Variants in RABIF observed in about 807,000 individuals in gnomAD.
RABIF encodes the protein guanine nucleotide exchange factor MSS4.
RABIF carries 13 observed loss-of-function variants against 12.3 expected under a neutral mutation model. The observed-to-expected ratio is 1.06, with a 90% CI of 0.69 to 1.68. The LOEUF is 1.68. Among genes scored for constraint, RABIF ranks in the 40% most tolerant of loss-of-function variants. The pLI is 0.00. For missense variants in RABIF, 153 were observed against 158.0 expected, an observed-to-expected ratio of 0.97 and a Z score of 0.17; for synonymous variants, 70 against 63.3, an observed-to-expected ratio of 1.11 and a Z score of -0.50.
intron 1 of RABIF, among the ~76,000 whole-genome samples, chr1:202,888,450 G>T (rs2000331): frequency 0.54 from 82,591 of 152,018 alleles, 23,251 homozygotes; most frequent in Non-Finnish European, 0.62. Context: ...AACACCAGTT[G>T]TTCCTGGGGA....
chr1:202,887,236 ATCT>A (rs1313144561), intron 1 of RABIF, among the ~76,000 whole-genome samples: 1 of 151,824 alleles, frequency 6.6e-6, no homozygotes, highest in Non-Finnish European at 1.5e-5. Context: ...CTCTATCATC[ATCT>A]TCATTTTACA....
chr1:202,889,054 G>A lies in RABIF; in HGVS notation c.45C>T (p.Gly15=). ...EQPSELVSAE[G]RNRKAVLCQR... is the part of the protein sequence containing the mutation. Reference sequence around the variant, plus strand: ...GGCACAGCACCGCCTTCCGGTTTCGGCCCTCGGCTGACACTAACTCGCTCG... The same window carrying A: ...GGCACAGCACCGCCTTCCGGTTTCGACCCTCGGCTGACACTAACTCGCTCG... The change falls in exon 1 of 2, where the codon GGC becomes GGT. Residue 15 remains glycine, a synonymous_variant. Transcript: ENST00000367262. The A allele has an allele frequency of 8.1e-6, 13 of 1,610,994 alleles. No individual in the cohort carries two copies. The highest frequency in any genetic ancestry group is 2.7e-5 in the African/African-American group (2 of 74,894).
In RABIF at chr1:202,888,983, G is replaced by A. The variant is rs759770694; in HGVS notation, c.116C>T (p.Ser39Phe). 6 of 1,572,680 alleles carry A rather than the reference G, an allele frequency of 3.8e-6. No homozygotes were observed. In the Admixed American group the frequency reaches 7.6e-5, roughly 20 times the overall value. Residue 39 changes from serine (S) to phenylalanine (F), a missense_variant, in exon 1 of 2, where the codon TCT becomes TTT. By Grantham distance (155) the Ser-to-Phe change is radical. Around this residue, in one of 2 missense-constraint regions of RABIF, gnomAD observed 113 missense variants for 90.9 expected, o/e 1.24. Transcript: ENST00000367262. The stretch of plus-strand genomic sequence containing the variant: ...AACCTGCCTCCCTACCTGTCGGCGA[G>A]AGAAGAGAGCGGTCCCTGGCTGCAG... ...RVLQPGTALF[S>F]RRQLFLPSMR...
intron 1 of RABIF, among the ~76,000 whole-genome samples, chr1:202,881,658 C>T (rs536523466): frequency 1.5e-4 from 23 of 152,292 alleles, no homozygotes; most frequent in Non-Finnish European, 2.5e-4. Flanking sequence ...CTGCCTGCCT[C>T]GGCCTCCCGA....
intron 1 of RABIF, 33 bp downstream of exon 1, chr1:202,888,940 T>G (rs1659607848): frequency 2.0e-6 from 3 of 1,508,450 alleles, no homozygotes; most frequent in African/African-American, 1.4e-5. Context: ...GGGGAGACTG[T>G]GGGTGTAAAC....
intron 1 of RABIF, 97 bp from the exon 2 acceptor site, chr1:202,881,320 G>C (rs1339479908): frequency 6.8e-7 from 1 of 1,467,586 alleles, no homozygotes; most frequent in Non-Finnish European, 9.0e-7. Context: ...TCCCTAGCAG[G>C]AATGACAAAA....
intron 1 of RABIF, among the ~76,000 whole-genome samples, chr1:202,881,746 G>A (rs1010141696): frequency 1.3e-5 from 2 of 152,276 alleles, no homozygotes; most frequent in East Asian, 1.9e-4. Flanking sequence ...CTGGGAACTC[G>A]GTTTCACTGC....
intron 1 of RABIF, among the ~76,000 whole-genome samples, chr1:202,887,918 T>C (rs1202935667): frequency 1.3e-5 from 2 of 152,232 alleles, no homozygotes; most frequent in Admixed American, 1.3e-4. Context: ...GTAAAATTAA[T>C]TGAGAACTCT....
rs1283250941 is a variant in RABIF at position 202,880,367 on chromosome 1, A to G, written c.*611T>C. ...GAGGGACCACACCCATCTTCACAAT[A>G]AAATGTCATTCTCAACCTAGAGCAG... is the stretch of plus-strand genomic sequence containing the variant. On this transcript the variant is annotated 3_prime_UTR_variant, in exon 2 of 2. Coordinates refer to ENST00000367262, the MANE Select transcript of RABIF (RefSeq NM_002871.5). 6.5e-6 allele frequency: 1 copy of G among 152,724 alleles called. No individual in the cohort carries two copies. Among genetic ancestry groups the G allele is most frequent in the Non-Finnish European group, 1.5e-5 (1 of 68,080 alleles). The allele number at this position is 152,724 out of a possible 1,614,324, so 9.5% of individuals were successfully genotyped here. A position where few individuals can be genotyped will look rare whatever the true frequency, so the allele number is the denominator to read the frequency against.
intron 1 of RABIF, 142 bp downstream of exon 1, chr1:202,888,831 G>A (rs886619704): frequency 3.3e-6 from 4 of 1,200,192 alleles, no homozygotes; most frequent in South Asian, 1.8e-5. Context: ...GCCTCGCCGA[G>A]CTGAGGCCCG....
At position 202,881,009 on chromosome 1, in the gene RABIF, T is replaced by C. The variant is rs376782654; in HGVS notation, c.341A>G (p.Tyr114Cys). The change falls in exon 2 of 2, where the codon TAT (tyrosine) becomes TGT (cysteine). Residue 114 changes from tyrosine to cysteine, a missense_variant. Physicochemically the swap from Tyr to Cys is radical, Grantham distance 194. Around this residue, in one of 2 missense-constraint regions of RABIF, gnomAD observed 40 missense variants for 67.1 expected, o/e 0.60. Transcript: ENST00000367262. Reference protein sequence around the residue: ...WHCLDDKNSFYVALERVSHE With the variant: ...WHCLDDKNSFCVALERVSHE ...ATGGGAAACTCGTTCCAAGGCCACA[T>C]AGAAACTGTTCTTGTCATCTAGGCA... 62 of 1,613,992 alleles carry C rather than the reference T, an allele frequency of 3.8e-5. No homozygotes were observed. Among genetic ancestry groups the C allele is most frequent in the Admixed American group, 3.3e-5 (2 of 60,010 alleles).
chr1:202,887,337 G>A (rs560441828), intron 1 of RABIF, among the ~76,000 whole-genome samples: 8 of 124,954 alleles, frequency 6.4e-5, no homozygotes, highest in Non-Finnish European at 1.3e-4. Flanking sequence ...AAAACATTAT[G>A]AAAAATTTTT....
At position 202,884,159 on chromosome 1, in the gene RABIF, CAG is replaced by C. The variant is rs200625826; in HGVS notation, c.127-2938_127-2937del. ...CCTGGACAACCTCTTCAGAAATAGA[CAG>C]AACGCCACAACTCAGTGAGACTCTG... On this transcript the variant is annotated intron_variant, in intron 1 of 1. Coordinates refer to ENST00000367262, the MANE Select transcript of RABIF (RefSeq NM_002871.5). 5.9e-3 allele frequency among the ~76,000 whole-genome samples: 895 copies of C among 152,268 alleles called. 6 individuals are homozygous for C. Among genetic ancestry groups the C allele is most frequent in the African/African-American group, 0.02 (849 of 41,536 alleles).
rs1023632253 is a variant in RABIF, at chr1:202,888,633, T to C, written c.126+340A>G. 1.1e-4 allele frequency among the ~76,000 whole-genome samples: 17 copies of C among 152,132 alleles called. No individual in the cohort carries two copies. In the South Asian group the frequency reaches 2.3e-3, roughly 20 times the overall value. On this transcript the variant is annotated intron_variant, in intron 1 of 1. Coordinates refer to ENST00000367262, the MANE Select transcript of RABIF (RefSeq NM_002871.5). ...GCTCCGAGAGCCGGAATGGGGCGCCTCCCTTCCACGCGCCCGCGGAGCACC... is the reference window on the plus strand; with the variant it reads ...GCTCCGAGAGCCGGAATGGGGCGCCCCCCTTCCACGCGCCCGCGGAGCACC...
intron 1 of RABIF, among the ~76,000 whole-genome samples, chr1:202,885,977 AC>A (rs1474174648): frequency 1.9e-4 from 28 of 149,604 alleles, no homozygotes; most frequent in Admixed American, 1.8e-3. Context: ...AAAAAAAAAA[AC>A]CCACCTTTTT....
chr1:202,886,860 A>G (rs538072686), intron 1 of RABIF, among the ~76,000 whole-genome samples: 13 of 151,534 alleles, frequency 8.6e-5, no homozygotes, highest in African/African-American at 1.2e-4. Context: ...CAGCCTCCCA[A>G]GTAGCTGGGA....
At position 202,881,238 on chromosome 1, in the gene RABIF, A is replaced by G; in HGVS notation, c.127-15T>C. ...GGAAGGAAAAGCTGCAGTGGGAAAG[A>G]ACATAAAGAACGCAGAAGTTGAACT... On this transcript the variant is annotated splice_polypyrimidine_tract_variant and intron_variant, in intron 1 of 1. Transcript: ENST00000367262. 1 of 1,605,036 alleles carries G rather than the reference A, an allele frequency of 6.2e-7. No homozygotes were observed. Among genetic ancestry groups the G allele is most frequent in the Non-Finnish European group, 8.5e-7 (1 of 1,174,366 alleles).
At chr1:202,888,427 T>C (rs1659596525) in intron 1 of RABIF, among the ~76,000 whole-genome samples, 1 of 152,314 alleles carries the variant, frequency 6.6e-6, no homozygotes, top group Admixed American at 6.5e-5. Flanking sequence ...CAGGGTTATT[T>C]TGCCGCGTCC....
chr1:202,883,699 C>G (rs1236917754), intron 1 of RABIF, among the ~76,000 whole-genome samples: 2 of 152,190 alleles, frequency 1.3e-5, no homozygotes, highest in African/African-American at 4.8e-5. Context: ...CCTTCCCTCT[C>G]TCGGTTCCCA....
Sources: gnomAD v4.1 joint callset for allele counts (sites outside exome capture counted in the v4.1 genomes callset) on GRCh38, gnomAD v4.1.1 for gene constraint, gnomAD v4.1.1 regional missense constraint, MANE v1.5 for transcripts, NCBI Gene and HGNC (gene_info 2026-07-23, HGNC 2026-07-21) for gene names.